Variants in THSD7B observed in about 807,000 individuals in gnomAD.
THSD7B encodes the protein thrombospondin type 1 domain containing 7B.
A neutral mutation model predicts 213.6 loss-of-function variants in THSD7B; 138 were observed. The observed-to-expected ratio is 0.65, with a 90% confidence interval of 0.56 to 0.74. The LOEUF (loss-of-function observed/expected upper bound fraction) is 0.74. Ranked by LOEUF, THSD7B falls within the 30% of genes least tolerant of loss-of-function variation. The pLI, the probability that THSD7B is intolerant of heterozygous loss-of-function variation, is 0.00. For missense variants in THSD7B, 1,931 were observed against 1,991.5 expected, an observed-to-expected ratio of 0.97 and a Z score of 0.58; for synonymous variants, 742 against 687.0, an observed-to-expected ratio of 1.08 and a Z score of -1.25.
At chr2:137,358,099 C>G (rs1426807240) in intron 12 of THSD7B, among the ~76,000 whole-genome samples, 1 of 152,088 alleles carries the variant, frequency 6.6e-6, no homozygotes, top group Non-Finnish European at 1.5e-5. Context: ...CCTCAGGCAC[C>G]AAACTTGACA....
At chr2:137,547,056 C>T (rs1680754921) in intron 15 of THSD7B, among the ~76,000 whole-genome samples, 1 of 151,988 alleles carries the variant, frequency 6.6e-6, no homozygotes, top group African/African-American at 2.4e-5. Flanking sequence ...GCTTTTATTC[C>T]ATACAGCAAC....
At chr2:137,074,455 C>G (rs1311074150) in intron 3 of THSD7B, among the ~76,000 whole-genome samples, 1 of 152,070 alleles carries the variant, frequency 6.6e-6, no homozygotes, top group East Asian at 1.9e-4. Context: ...TTCCTCCATC[C>G]CTTTATTTTG....
intron 3 of THSD7B, among the ~76,000 whole-genome samples, chr2:137,066,790 A>AT (rs1441962548): frequency 6.6e-6 from 1 of 151,876 alleles, no homozygotes; most frequent in Non-Finnish European, 1.5e-5. Context: ...CTCTTCTGTT[A>AT]TTTTCTCTCT....
chr2:137,378,370 GTCCACTATT>G (rs1198313015), intron 12 of THSD7B, among the ~76,000 whole-genome samples: 1 of 152,194 alleles, frequency 6.6e-6, no homozygotes, highest in Non-Finnish European at 1.5e-5. Flanking sequence ...TGCACAGCGT[GTCCACTATT>G]TCTACTCAGA....
intron 7 of THSD7B, among the ~76,000 whole-genome samples, chr2:137,202,536 C>A (rs1447175882): frequency 6.6e-6 from 1 of 152,168 alleles, no homozygotes; most frequent in African/African-American, 2.4e-5. Context: ...CTCCCAGGAG[C>A]AGCAGTAGAG....
chr2:136,810,026 C>T (rs985390659), intron 1 of THSD7B, among the ~76,000 whole-genome samples: 1 of 152,062 alleles, frequency 6.6e-6, no homozygotes, highest in African/African-American at 2.4e-5. Context: ...TAAGGGGTGC[C>T]TTTTTATAAT....
At chr2:137,288,780 T>A (rs1683246511) in intron 12 of THSD7B, among the ~76,000 whole-genome samples, 1 of 134,620 alleles carries the variant, frequency 7.4e-6, no homozygotes, top group Non-Finnish European at 1.6e-5. Context: ...GAATAAGTAT[T>A]TCTAGAAACA....
At chr2:137,071,840 CCCAGCA>C (rs1298680641) in intron 3 of THSD7B, among the ~76,000 whole-genome samples, 3 of 152,142 alleles carry the variant, frequency 2.0e-5, no homozygotes, top group African/African-American at 7.2e-5. Context: ...AGCCAGTTTT[CCCAGCA>C]CCATTTATTA....
At chr2:137,359,695 T>G (rs776028368) in intron 12 of THSD7B, among the ~76,000 whole-genome samples, 1 of 152,190 alleles carries the variant, frequency 6.6e-6, no homozygotes, top group Non-Finnish European at 1.5e-5. Context: ...GGTCACCTCC[T>G]GGGTACCGTG....
chr2:137,071,572 T>A (rs1203846551), intron 3 of THSD7B, among the ~76,000 whole-genome samples: 1 of 152,194 alleles, frequency 6.6e-6, no homozygotes, highest in South Asian at 2.1e-4. Flanking sequence ...TTAGATCCCA[T>A]TTGTCAATAT....
chr2:136,850,787 C>G (rs1183789721), intron 1 of THSD7B, among the ~76,000 whole-genome samples: 2 of 151,754 alleles, frequency 1.3e-5, no homozygotes, highest in African/African-American at 4.8e-5. Context: ...ATATTTTGTG[C>G]TCACTATTGC....
chr2:136,864,703 C>A (rs1470739949), intron 1 of THSD7B, among the ~76,000 whole-genome samples: 6 of 152,196 alleles, frequency 3.9e-5, no homozygotes, highest in Non-Finnish European at 5.9e-5. Flanking sequence ...CAGGCTCCAG[C>A]CACCATGCCC....
intron 2 of THSD7B, among the ~76,000 whole-genome samples, chr2:137,006,279 G>C (rs1186486422): frequency 6.6e-6 from 1 of 152,054 alleles, no homozygotes; most frequent in Non-Finnish European, 1.5e-5. Flanking sequence ...CCTGTAGTCC[G>C]AACTACTCAG....
chr2:137,443,646 C>G (rs1359282326), intron 14 of THSD7B, among the ~76,000 whole-genome samples: 1 of 151,972 alleles, frequency 6.6e-6, no homozygotes, highest in African/African-American at 2.4e-5. Flanking sequence ...CTATCTCAAC[C>G]AAGTCTGAGT....
intron 7 of THSD7B, among the ~76,000 whole-genome samples, chr2:137,217,023 C>G (rs10928599): frequency 0.28 from 42,901 of 152,028 alleles, 6,889 homozygotes; most frequent in East Asian, 0.48. Flanking sequence ...TAAATGAGAG[C>G]CCCTTTTGCA....
At chr2:137,212,674 T>C (rs538867678) in intron 7 of THSD7B, among the ~76,000 whole-genome samples, 4 of 152,106 alleles carry the variant, frequency 2.6e-5, no homozygotes, top group African/African-American at 7.2e-5. Flanking sequence ...AAAATATCAT[T>C]TTTTTTCCTG....
At chr2:136,852,977 C>T (rs1292878952) in intron 1 of THSD7B, among the ~76,000 whole-genome samples, 2 of 152,050 alleles carry the variant, frequency 1.3e-5, no homozygotes, top group Non-Finnish European at 2.9e-5. Context: ...ACTCAGTTTC[C>T]CTAATTGTTA....
chr2:137,007,954 ATGAT>A (rs1238722156), intron 2 of THSD7B, among the ~76,000 whole-genome samples: 2 of 152,170 alleles, frequency 1.3e-5, no homozygotes, highest in Non-Finnish European at 2.9e-5. Flanking sequence ...CTTTATGAAC[ATGAT>A]TGATACTAGT....
intron 2 of THSD7B, among the ~76,000 whole-genome samples, chr2:136,890,084 A>C (rs78777570): frequency 0.029 from 4,457 of 152,178 alleles, 102 homozygotes; most frequent in South Asian, 0.07. Flanking sequence ...TATAGTCCCC[A>C]GTGCCATTAC....
Sources: gnomAD v4.1 joint callset for allele counts (sites outside exome capture counted in the v4.1 genomes callset) on GRCh38, gnomAD v4.1.1 for gene constraint, MANE v1.5 for transcripts, NCBI Gene and HGNC (gene_info 2026-07-23, HGNC 2026-07-21) for gene names.